The following PLXNA2 variants were observed in gnomAD, a reference collection of about 807,000 sequenced individuals.
PLXNA2 encodes the protein plexin A2, also known as plexin-A2.
A neutral mutation model predicts 193.5 loss-of-function variants in PLXNA2; 91 were observed. The ratio of observed to expected loss-of-function variants is 0.47; its 90% CI spans 0.40 to 0.56. The LOEUF is 0.56. Ranked by LOEUF, PLXNA2 falls within the 20% of genes least tolerant of loss-of-function variation. PLXNA2 has a pLI of 0.00. For missense variants in PLXNA2, 1,995 were observed against 2,503.2 expected (o/e 0.80, Z 4.33); for synonymous variants, 997 against 1,027.3 (o/e 0.97, Z 0.56).
rs1664402723 is a variant in PLXNA2, at chr1:208,028,398, G to A, written c.5439-239C>T. Among the ~76,000 whole-genome samples, 1 of 152,146 alleles carries A rather than the reference G, an allele frequency of 6.6e-6. No individual in the cohort carries two copies. Among genetic ancestry groups the A allele is most frequent in the Non-Finnish European group, 1.5e-5 (1 of 68,032 alleles). The stretch of plus-strand genomic sequence containing the variant: ...CGTGGCTGCGGTGCCCAACAGAGTG[G>A]TTAAAAGCCCAGACTCTCACCAGGC... On this transcript the variant is annotated intron_variant, in intron 30 of 31. Coordinates refer to ENST00000367033, the MANE Select transcript of PLXNA2 (RefSeq NM_025179.4). This position sits in a 1 kb window ranked among gnomAD's most constrained non-coding sequence, Gnocchi z 4.2.
At chr1:208,193,759 C>T (rs532257028) in intron 3 of PLXNA2, among the ~76,000 whole-genome samples, 13 of 152,122 alleles carry the variant, frequency 8.5e-5, no homozygotes, top group South Asian at 2.1e-4. Context: ...TGGTCACAGT[C>T]GCTCACACCT....
At chr1:208,223,910 GA>G (rs1440394589) in intron 1 of PLXNA2, among the ~76,000 whole-genome samples, 1 of 152,220 alleles carries the variant, frequency 6.6e-6, no homozygotes, top group Admixed American at 6.5e-5. Context: ...AGAGGCAGGG[GA>G]TTGGTCCCAA....
At chr1:208,070,486 T>C (rs1245798807) in intron 12 of PLXNA2, among the ~76,000 whole-genome samples, 1 of 152,236 alleles carries the variant, frequency 6.6e-6, no homozygotes, top group East Asian at 1.9e-4. Context: ...TTTCTTCCCA[T>C]TTCTGCAGCA....
At position 208,054,420 on chromosome 1, in the gene PLXNA2, C is replaced by A; in HGVS notation, c.2856+1G>T. 6.2e-7 allele frequency: 1 copy of A among 1,606,082 alleles called. No homozygotes were observed. Among genetic ancestry groups the A allele is most frequent in the Non-Finnish European group, 8.5e-7 (1 of 1,172,696 alleles). Reference sequence around the variant, plus strand: ...CACCTGGCCCTGGACCCAGTACTCACCACGAAGGTGTACTGCTGATGGGAC... The same window carrying A: ...CACCTGGCCCTGGACCCAGTACTCAACACGAAGGTGTACTGCTGATGGGAC... On this transcript the variant is annotated splice_donor_variant, in intron 14 of 31. Transcript: ENST00000367033. LOFTEE classifies it high-confidence loss of function.
At chr1:208,185,787 C>T (rs977965940) in intron 3 of PLXNA2, among the ~76,000 whole-genome samples, 5 of 150,534 alleles carry the variant, frequency 3.3e-5, no homozygotes, top group African/African-American at 4.9e-5. Flanking sequence ...TGTGTTCCTC[C>T]AGCTGGCTGC....
rs1368674672 is a variant in PLXNA2, at chr1:208,025,780, C to G, written c.*1463G>C. 1 of 152,194 alleles carries G rather than the reference C, an allele frequency of 6.6e-6. No individual in the cohort carries two copies. The highest frequency in any genetic ancestry group is 2.4e-5 in the African/African-American group (1 of 41,436). The allele number at this position is 152,194 out of a possible 1,614,324, so 9.4% of individuals were successfully genotyped here. Reference sequence around the variant, plus strand: ...TCTACACTCAGGAGAATTGGTTATCCATAGTTTTAGGCATCATCAGAAGAG... The same window carrying G: ...TCTACACTCAGGAGAATTGGTTATCGATAGTTTTAGGCATCATCAGAAGAG... On this transcript the variant is annotated 3_prime_UTR_variant, in exon 32 of 32. Transcript: ENST00000367033.
chr1:208,115,543 C>T (rs187243303), intron 4 of PLXNA2, among the ~76,000 whole-genome samples: 11 of 152,300 alleles, frequency 7.2e-5, no homozygotes, highest in Admixed American at 5.2e-4. Flanking sequence ...TCAACTTTTA[C>T]ACCATACCGC....
At chr1:208,064,299 A>G (rs1456389475) in intron 12 of PLXNA2, among the ~76,000 whole-genome samples, 1 of 152,194 alleles carries the variant, frequency 6.6e-6, no homozygotes, top group East Asian at 1.9e-4. Context: ...CTTCATGAAC[A>G]CATACTTGAC....
intron 4 of PLXNA2, among the ~76,000 whole-genome samples, chr1:208,129,118 C>G (rs145556120): frequency 3.9e-5 from 6 of 152,308 alleles, no homozygotes; most frequent in African/African-American, 1.4e-4. Context: ...CAATGAATGC[C>G]TGAAATGGGT....
chr1:208,168,924 A>G (rs1452414343), intron 3 of PLXNA2, among the ~76,000 whole-genome samples: 1 of 151,794 alleles, frequency 6.6e-6, no homozygotes. Flanking sequence ...TCAGAATACC[A>G]GGCTTCTCCA....
At chr1:208,137,482 T>C (rs1327499029) in intron 4 of PLXNA2, among the ~76,000 whole-genome samples, 1 of 152,210 alleles carries the variant, frequency 6.6e-6, no homozygotes, top group Non-Finnish European at 1.5e-5. Flanking sequence ...AGCCTGATTT[T>C]CCCTTGACTC....
rs1211717753 is a variant in PLXNA2, at chr1:208,054,518, T to C, written c.2759A>G (p.His920Arg). Residue 920 changes from histidine (H) to arginine (R), a missense_variant, in exon 14 of 32, where the codon CAT (histidine) becomes CGT (arginine). His to Arg is a conservative substitution (Grantham distance 29, BLOSUM62 0). Transcript: ENST00000367033. ...CCCGGAGGTGGTTCCCACGAGGGCA[T>C]GGCCCATCTCACAGACAATCCTGGG... The part of the protein sequence containing the change: ...IAEQIVCEMG[H>R]ALVGTTSGPV... 2 of 1,614,032 alleles carry C rather than the reference T, an allele frequency of 1.2e-6. No homozygotes were observed.
intron 29 of PLXNA2, chr1:208,031,244 C>T: frequency 9.1e-7 from 1 of 1,102,298 alleles, no homozygotes; most frequent in Middle Eastern, 4.1e-4. Flanking sequence ...GCTTCAAATG[C>T]AGCTCTTTGC....
rs769261631 is a variant in PLXNA2, at chr1:208,025,240, G to C, written c.*2003C>G. 6.6e-6 allele frequency: 1 copy of C among 152,558 alleles called. No homozygotes were observed. Among genetic ancestry groups the C allele is most frequent in the Admixed American group, 6.5e-5 (1 of 15,286 alleles). The allele number at this position is 152,558 out of a possible 1,614,324, so 9.5% of individuals were successfully genotyped here. On this transcript the variant is annotated 3_prime_UTR_variant, in exon 32 of 32. Transcript: ENST00000367033. ...AACGTCTGCTGTGTGGTTAGACAGC[G>C]ATCCAAAGCTACACGCCAAGGATGG...
intron 3 of PLXNA2, among the ~76,000 whole-genome samples, chr1:208,184,733 A>C (rs1669945622): frequency 6.6e-6 from 1 of 152,050 alleles, no homozygotes; most frequent in African/African-American, 2.4e-5. Flanking sequence ...GCTGGTGCAG[A>C]GAAATCACAA....
intron 16 of PLXNA2, 69 bp from the exon 17 acceptor site, chr1:208,051,171 A>T: frequency 6.3e-7 from 1 of 1,593,486 alleles, no homozygotes; most frequent in Non-Finnish European, 8.6e-7. Context: ...CCTCCACCTT[A>T]GGGATCCCTC....
intron 1 of PLXNA2, among the ~76,000 whole-genome samples, chr1:208,221,381 GTTTTTTTTTTTTT>G (rs33915614): frequency 5.2e-5 from 3 of 58,080 alleles, no homozygotes; most frequent in African/African-American, 1.3e-4. Context: ...TTCTTTTTCT[GTTTTTTTTTTTTT>G]TTTTTTTTTT....
intron 1 of PLXNA2, among the ~76,000 whole-genome samples, chr1:208,226,040 A>T (rs1671500414): frequency 6.6e-6 from 1 of 152,240 alleles, no homozygotes; most frequent in Non-Finnish European, 1.5e-5. Flanking sequence ...GTGTGCAGGC[A>T]CACGAAAATT....
In PLXNA2 at chr1:208,243,827, C is replaced by T. The variant is rs1373873501; in HGVS notation, c.-265G>A. The T allele has an allele frequency of 2.0e-5, 3 of 152,350 alleles. No individual in the cohort carries two copies. The highest frequency in any genetic ancestry group is 7.2e-5 in the African/African-American group (3 of 41,470). The allele number at this position is 152,350 out of a possible 1,614,324, so 9.4% of individuals were successfully genotyped here. On this transcript the variant is annotated 5_prime_UTR_variant, in exon 1 of 32. Coordinates refer to ENST00000367033, the MANE Select transcript of PLXNA2 (RefSeq NM_025179.4). Reference sequence around the variant, plus strand: ...AAGCCACCAGACACTTATCTGTATTCCTGAAGTCGCTCCTCGGTCTCCGCT... The same window carrying T: ...AAGCCACCAGACACTTATCTGTATTTCTGAAGTCGCTCCTCGGTCTCCGCT...
Sources: gnomAD v4.1 joint callset for allele counts (sites outside exome capture counted in the v4.1 genomes callset) on GRCh38, gnomAD v4.1.1 for gene constraint, Gnocchi (gnomAD v3.1) non-coding constraint, MANE v1.5 for transcripts, NCBI Gene and HGNC (gene_info 2026-07-23, HGNC 2026-07-21) for gene names.